ACTN4: variants seen among roughly 807,000 people sequenced by gnomAD.
ACTN4 encodes the protein actinin alpha 4.
ACTN4 carries 18 observed loss-of-function variants against 114.2 expected under a neutral mutation model. That is an observed-to-expected ratio of 0.16 (90% CI 0.11 to 0.23). The LOEUF (loss-of-function observed/expected upper bound fraction) is 0.23. ACTN4 is among the 10% of genes least tolerant of loss of function. ACTN4 has a pLI of 1.00. For synonymous variants in ACTN4, 515 were observed against 506.3 expected (o/e 1.02, Z -0.23); for missense variants, 722 against 1,262.9 (o/e 0.57, Z 6.49).
intron 11 of ACTN4, among the ~76,000 whole-genome samples, chr19:38,721,314 A>G (rs1373339845): frequency 6.6e-6 from 1 of 152,218 alleles, no homozygotes; most frequent in African/African-American, 2.4e-5. Flanking sequence ...TCTCAGGCTG[A>G]GCAACCCTGA....
intron 1 of ACTN4, among the ~76,000 whole-genome samples, chr19:38,650,245 T>C (rs773640711): frequency 1.3e-5 from 2 of 152,100 alleles, no homozygotes; most frequent in Non-Finnish European, 2.9e-5. Flanking sequence ...CTGCCACTCC[T>C]CAAGTGACTC....
chr19:38,679,723 T>G (rs1453865417), intron 1 of ACTN4, among the ~76,000 whole-genome samples: 2 of 152,038 alleles, frequency 1.3e-5, no homozygotes, highest in Admixed American at 1.3e-4. Context: ...TCAGAACTCC[T>G]GGCCTCAAGC....
chr19:38,707,082 C>T (rs142726826), intron 5 of ACTN4, among the ~76,000 whole-genome samples: 46 of 152,294 alleles, frequency 3.0e-4, no homozygotes, highest in South Asian at 6.2e-4. Flanking sequence ...GGGTTTGCAG[C>T]GGCCTCAGGC....
intron 1 of ACTN4, among the ~76,000 whole-genome samples, chr19:38,678,915 T>C (rs1967462611): frequency 6.6e-6 from 1 of 152,086 alleles, no homozygotes; most frequent in Admixed American, 6.5e-5. Context: ...GGTAGTGGGG[T>C]GTGCTCTGAT....
rs555413124 is a variant in ACTN4 at position 38,662,302 on chromosome 19, A to C, written c.162+14395A>C. 5.3e-5 allele frequency among the ~76,000 whole-genome samples: 8 copies of C among 152,330 alleles called. No individual in the cohort carries two copies. In the East Asian group the frequency reaches 1.5e-3, roughly 29 times the overall value. On this transcript the variant is annotated intron_variant, in intron 1 of 20. Transcript: ENST00000252699. ...GATAGACACTCCTGCCTCTGAACAC[A>C]CAGCACCCAGCAAGAAGTTACCTTC...
intron 9 of ACTN4, among the ~76,000 whole-genome samples, chr19:38,714,974 G>A (rs1038472424): frequency 2.0e-5 from 3 of 152,188 alleles, no homozygotes; most frequent in Non-Finnish European, 2.9e-5. Context: ...GGTGCTTAAC[G>A]AGCAGCCCAG....
At chr19:38,673,543 ATATT>A (rs2046447644) in intron 1 of ACTN4, among the ~76,000 whole-genome samples, 1 of 112,872 alleles carries the variant, frequency 8.9e-6, no homozygotes, top group Admixed American at 1.1e-4. Context: ...ATACTTATAT[ATATT>A]TATATATACT....
rs895551977 is a variant in ACTN4 at position 38,688,324 on chromosome 19, G to A, written c.163-12276G>A. ...AGCACTTTGGGAGGCCGAGGCGAGT[G>A]GATCACCTGAGGTCAGGAGTTTGAG... On this transcript the variant is annotated intron_variant, in intron 1 of 20. Coordinates refer to ENST00000252699, the MANE Select transcript of ACTN4 (RefSeq NM_004924.6). Among the ~76,000 whole-genome samples, 9 of 145,968 alleles carry A rather than the reference G, an allele frequency of 6.2e-5. No homozygotes were observed. In the East Asian group the frequency reaches 1.8e-3, roughly 30 times the overall value.
chr19:38,725,946 C>T (rs750802933), intron 17 of ACTN4, 43 bp downstream of exon 17: 38 of 1,609,290 alleles, frequency 2.4e-5, no homozygotes, highest in South Asian at 4.4e-5. Context: ...CCAGCATGGC[C>T]GGCTTCCTCA....
intron 5 of ACTN4, among the ~76,000 whole-genome samples, chr19:38,707,280 C>T (rs990384076): frequency 5.9e-5 from 9 of 151,740 alleles, no homozygotes; most frequent in African/African-American, 1.9e-4. Context: ...CGCTGCATGC[C>T]GTTAGTGGAG....
In ACTN4 at chr19:38,729,976, G is replaced by A. The variant is rs74584773; in HGVS notation, c.*544G>A. The stretch of plus-strand genomic sequence containing the variant: ...AGGAGATGGCCCCAACAAGCACCCC[G>A]CTTTTGCAGCAGAGGAGCTGAGTTG... On this transcript the variant is annotated 3_prime_UTR_variant, in exon 21 of 21. Transcript: ENST00000252699. 254 of 319,806 alleles carry A rather than the reference G, an allele frequency of 7.9e-4. No individual in the cohort carries two copies. Among genetic ancestry groups the A allele is most frequent in the African/African-American group, 3.7e-3 (169 of 45,650 alleles). 19.8% of individuals were successfully genotyped at this position (319,806 alleles called of 1,614,324 possible).
chr19:38,678,191 CAA>C (rs1967438338), intron 1 of ACTN4, among the ~76,000 whole-genome samples: 2 of 152,186 alleles, frequency 1.3e-5, no homozygotes, highest in African/African-American at 2.4e-5. Flanking sequence ...GTGAGTAAGA[CAA>C]AGAGAAGGCC....
chr19:38,690,250 T>C (rs935761921), intron 1 of ACTN4, among the ~76,000 whole-genome samples: 2 of 152,256 alleles, frequency 1.3e-5, no homozygotes, highest in African/African-American at 4.8e-5. Context: ...TGGCTTGAGC[T>C]GAGCTTTCGC....
chr19:38,673,735 ATTTATATATT>A, intron 1 of ACTN4, among the ~76,000 whole-genome samples: 1 of 104,000 alleles, frequency 9.6e-6, no homozygotes, highest in Non-Finnish European at 1.9e-5. Flanking sequence ...ACTTATATAT[ATTTATATATT>A]TATATATATT....
chr19:38,729,923 CT>C lies in ACTN4; in HGVS notation c.*492del, dbSNP rs1360128015. The C allele has an allele frequency of 2.9e-6, 1 of 350,402 alleles. No homozygotes were observed. Among genetic ancestry groups the C allele is most frequent in the Non-Finnish European group, 5.6e-6 (1 of 177,534 alleles). The allele number at this position is 350,402 out of a possible 1,614,324, so 21.7% of individuals were successfully genotyped here. ...GGGACCCACCCAGCCCCTCTCCCCT[CT>C]CTGCTCCAGACTCACTTGCCATTGC... On this transcript the variant is annotated 3_prime_UTR_variant, in exon 21 of 21. Transcript: ENST00000252699.
At chr19:38,700,449 T>C in intron 1 of ACTN4, 151 bp from the exon 2 acceptor site, 1 of 710,654 alleles carries the variant, frequency 1.4e-6, no homozygotes, top group Non-Finnish European at 2.5e-6. Flanking sequence ...TCAGAAACAA[T>C]GTGTGTATCG....
chr19:38,685,424 T>G (rs1431794172), intron 1 of ACTN4, among the ~76,000 whole-genome samples: 1 of 152,192 alleles, frequency 6.6e-6, no homozygotes, highest in Admixed American at 6.5e-5. Flanking sequence ...ACTCAGGGAT[T>G]CATTCACCCC....
chr19:38,686,326 GCTAT>G (rs1332227941), intron 1 of ACTN4, among the ~76,000 whole-genome samples: 1 of 152,190 alleles, frequency 6.6e-6, no homozygotes, highest in Non-Finnish European at 1.5e-5. Flanking sequence ...GGCTTACTTG[GCTAT>G]CTTTTTGAAA....
chr19:38,666,629 A>G (rs568913897), intron 1 of ACTN4, among the ~76,000 whole-genome samples: 15 of 152,350 alleles, frequency 9.8e-5, no homozygotes, highest in South Asian at 2.1e-4. Flanking sequence ...GGGACTGTGC[A>G]TATCCAAACA....
Sources: allele counts gnomAD v4.1 joint callset (sites outside exome capture counted in the v4.1 genomes callset), GRCh38; gene constraint gnomAD v4.1.1; transcripts MANE v1.5; gene names NCBI Gene and HGNC (gene_info 2026-07-23, HGNC 2026-07-21).